Variants in KCNAB2 observed in about 807,000 individuals in gnomAD.
KCNAB2 encodes the protein potassium voltage-gated channel subfamily A regulatory beta subunit 2, also known as voltage-gated potassium channel subunit beta-2.
Under a neutral mutation model 63.6 loss-of-function variants are expected in KCNAB2, and 29 were observed. The ratio of observed to expected loss-of-function variants is 0.46; its 90% CI spans 0.34 to 0.62. The LOEUF (loss-of-function observed/expected upper bound fraction) is 0.62, where lower values mean the gene tolerates loss of function less well. KCNAB2 is among the 20% of genes least tolerant of loss of function. The probability of loss-of-function intolerance (pLI) is 0.01; values close to 1 mark genes in which losing one functional copy is unlikely to be tolerated. For synonymous variants in KCNAB2, 222 were observed against 224.2 expected (o/e 0.99, Z 0.09); for missense variants, 359 against 563.9 (o/e 0.64, Z 3.68).
chr1:6,024,783 T>TG lies in KCNAB2; in HGVS notation c.-52-15728dup, dbSNP rs1471236205. 6.6e-6 allele frequency among the ~76,000 whole-genome samples: 1 copy of TG among 152,110 alleles called. No individual in the cohort carries two copies. The highest frequency in any genetic ancestry group is 1.5e-5 in the Non-Finnish European group (1 of 68,022). ...TCACCTGTCCAGAGCCAGAGTTCCA[T>TG]GGGGGGCTCCAGGGCAGGAGGTCAA... On this transcript the variant is annotated intron_variant, in intron 1 of 16. Coordinates refer to the KCNAB2 transcript ENST00000341524. This position sits in a 1 kb window ranked among gnomAD's most constrained non-coding sequence, Gnocchi z 5.4.
Position 6,073,624 on chromosome 1 carries a change from G to T in KCNAB2, c.263-109G>T. 1.0e-6 allele frequency: 1 copy of T among 989,290 alleles called. No individual in the cohort carries two copies. The highest frequency in any genetic ancestry group is 1.6e-6 in the Non-Finnish European group (1 of 614,432). 61.3% of individuals were successfully genotyped at this position (989,290 alleles called of 1,614,324 possible). A position where few individuals can be genotyped will look rare whatever the true frequency, so the allele number is the denominator to read the frequency against. On this transcript the variant is annotated intron_variant, in intron 3 of 15. Transcript: ENST00000378083. This position sits in a 1 kb window ranked among gnomAD's most constrained non-coding sequence, Gnocchi z 5.7. ...CACCCTGGCCACAGAGCAGCACAGA[G>T]GGACACCTGTGGCTGCCCCCTGTGC...
chr1:6,030,574 T>C (rs1390362097), upstream of KCNAB2, among the ~76,000 whole-genome samples: 3 of 152,026 alleles, frequency 2.0e-5, no homozygotes, highest in Non-Finnish European at 4.4e-5. Context: ...TGTGTGTATG[T>C]GTGTAGGTAT....
Position 6,096,418 on chromosome 1 carries a change from G to T in KCNAB2, c.949-218G>T. 1 of 619,632 alleles carries T rather than the reference G, an allele frequency of 1.6e-6. No individual in the cohort carries two copies. Among genetic ancestry groups the T allele is most frequent in the Non-Finnish European group, 2.8e-6 (1 of 355,300 alleles). The allele number at this position is 619,632 out of a possible 1,614,324, so 38.4% of individuals were successfully genotyped here. A position where few individuals can be genotyped will look rare whatever the true frequency, so the allele number is the denominator to read the frequency against. On this transcript the variant is annotated intron_variant, in intron 13 of 15. Coordinates refer to ENST00000378083, the MANE Select transcript of KCNAB2 (RefSeq NM_001199862.2). The surrounding 1 kb of genome is among the most constrained non-coding windows in gnomAD (Gnocchi z 5.9). Reference sequence around the variant, plus strand: ...CACAGTCTTTGCACTTCAGAGCCTGGACAGGCCCCGCTCATCCACCAGCCC... The same window carrying T: ...CACAGTCTTTGCACTTCAGAGCCTGTACAGGCCCCGCTCATCCACCAGCCC...
upstream of KCNAB2, among the ~76,000 whole-genome samples, chr1:6,031,578 C>T (rs1339641749): frequency 6.6e-6 from 1 of 152,174 alleles, no homozygotes; most frequent in African/African-American, 2.4e-5. This position sits in a 1 kb window ranked among gnomAD's most constrained non-coding sequence, Gnocchi z 4.1. Flanking sequence ...TGTATGGGTC[C>T]ACCTTTTCCA....
rs952795968 is a variant in KCNAB2 at position 6,071,448 on chromosome 1, C to T, written c.219-1307C>T. 7.2e-5 allele frequency among the ~76,000 whole-genome samples: 11 copies of T among 152,196 alleles called. No individual in the cohort carries two copies. Among genetic ancestry groups the T allele is most frequent in the Admixed American group, 2.6e-4 (4 of 15,286 alleles). The stretch of plus-strand genomic sequence containing the variant: ...CCTGGCTGCAGCTGTGAGATCCACC[C>T]GGCCACTTGTCAACCTCACCATCTG... On this transcript the variant is annotated intron_variant, in intron 2 of 15. Transcript: ENST00000378083. The surrounding 1 kb of genome is among the most constrained non-coding windows in gnomAD (Gnocchi z 8.5).
chr1:6,019,407 G>C (rs1239123934), intron 1 of KCNAB2, among the ~76,000 whole-genome samples: 1 of 152,238 alleles, frequency 6.6e-6, no homozygotes, highest in Non-Finnish European at 1.5e-5. Context: ...CCTACAGCAA[G>C]GAGGGAAGCC....
intron 2 of KCNAB2, among the ~76,000 whole-genome samples, chr1:6,065,115 C>T (rs531440526): frequency 1.3e-5 from 2 of 152,230 alleles, no homozygotes; most frequent in Admixed American, 6.5e-5. Flanking sequence ...CCCCACTCTC[C>T]GGAGGGAGAA....
rs4908477 is a variant in KCNAB2, at chr1:6,002,479, G to A, written c.-53+9691G>A. 3.2e-3 allele frequency among the ~76,000 whole-genome samples: 480 copies of A among 152,354 alleles called. 7 individuals carry two copies. The highest frequency in any genetic ancestry group is 0.016 in the East Asian group (81 of 5,192). ...GGCAGCTGTGGCCTGAGCTGGCATC[G>A]GTGGCTGATGGCCACAGACTCCCTG... is the stretch of plus-strand genomic sequence containing the variant. On this transcript the variant is annotated intron_variant, in intron 1 of 16. Coordinates refer to the KCNAB2 transcript ENST00000341524.
chr1:6,013,134 G>T (rs146354704), intron 1 of KCNAB2, among the ~76,000 whole-genome samples: 1 of 152,154 alleles, frequency 6.6e-6, no homozygotes, highest in Non-Finnish European at 1.5e-5. Context: ...AAAGCTGCTT[G>T]TTCAGAGCGG....
In KCNAB2 at chr1:6,099,592, G is replaced by A. The variant is rs967936520; in HGVS notation, c.*1018G>A. The A allele has an allele frequency of 2.5e-5, 15 of 611,838 alleles. No individual in the cohort carries two copies. The highest frequency in any genetic ancestry group is 3.6e-5 in the Admixed American group (1 of 27,430). 37.9% of individuals were successfully genotyped at this position (611,838 alleles called of 1,614,324 possible). ...CTGTAGACTTTCTCTAAAGCCGCCC[G>A]CCAGCCCAGGCCGCTGCTCTGCACC... is the stretch of plus-strand genomic sequence containing the variant. On this transcript the variant is annotated 3_prime_UTR_variant, in exon 16 of 16. Coordinates refer to ENST00000378083, the MANE Select transcript of KCNAB2 (RefSeq NM_001199862.2).
In KCNAB2 at chr1:6,099,773, G is replaced by A. The variant is rs1056640419; in HGVS notation, c.*1199G>A. On this transcript the variant is annotated 3_prime_UTR_variant, in exon 16 of 16. Coordinates refer to ENST00000378083, the MANE Select transcript of KCNAB2 (RefSeq NM_001199862.2). Reference sequence around the variant, plus strand: ...TCAGGGAACCTCTCCCTGGAAAGACGGGCAGGGCTGGTTAGCCCCTCCCAC... The same window carrying A: ...TCAGGGAACCTCTCCCTGGAAAGACAGGCAGGGCTGGTTAGCCCCTCCCAC... 69 of 1,472,888 alleles carry A rather than the reference G, an allele frequency of 4.7e-5. No homozygotes were observed. The African/African-American group carries it at 7.2e-4, about 15-fold the overall frequency. 91.2% of individuals were successfully genotyped at this position (1,472,888 alleles called of 1,614,324 possible).
At chr1:6,057,336 A>C (rs1661925636) in intron 2 of KCNAB2, among the ~76,000 whole-genome samples, 7 of 152,142 alleles carry the variant, frequency 4.6e-5, no homozygotes, top group Admixed American at 4.6e-4. Flanking sequence ...TGCCAGGTTC[A>C]TTGAGCAGAC....
At chr1:6,037,870 G>T (rs532985345) in intron 1 of KCNAB2, among the ~76,000 whole-genome samples, 3 of 142,260 alleles carry the variant, frequency 2.1e-5, no homozygotes, top group Admixed American at 1.4e-4. Flanking sequence ...CTGAATGAGG[G>T]TCTTTTTTTT....
At chr1:6,046,279 G>C (rs1660916538) in intron 1 of KCNAB2, 96 bp downstream of exon 1, 1 of 884,834 alleles carries the variant, frequency 1.1e-6, no homozygotes. Context: ...ACCATATTTT[G>C]GGGTGGTTTT....
rs1457248843 is a variant in KCNAB2, at chr1:6,003,368, T to C, written c.-53+10580T>C. ...CATGGGGTCAGAGGCAGGGTCCGTG[T>C]GGTGTGGAGCAGGGGTTCCTCCCCA... On this transcript the variant is annotated intron_variant, in intron 1 of 16. Transcript: ENST00000341524. This position sits in a 1 kb window ranked among gnomAD's most constrained non-coding sequence, Gnocchi z 4.1. Among the ~76,000 whole-genome samples, 1 of 152,170 alleles carries C rather than the reference T, an allele frequency of 6.6e-6. No homozygotes were observed. The highest frequency in any genetic ancestry group is 2.4e-5 in the African/African-American group (1 of 41,438).
chr1:6,080,355 C>T (rs1664087740), intron 4 of KCNAB2, among the ~76,000 whole-genome samples: 1 of 152,188 alleles, frequency 6.6e-6, no homozygotes, highest in African/African-American at 2.4e-5. Flanking sequence ...CCTGGGCTCT[C>T]CCTGGGTGGG....
rs1370982634 is a variant in KCNAB2, at chr1:6,078,909, G to C, written c.301-3286G>C. ...TTTGCCTGGGGAAGGTGCAGGGAGA[G>C]AGGATGGAAGCAGAGAGCTAGGAGG... On this transcript the variant is annotated intron_variant, in intron 4 of 15. Transcript: ENST00000378083. This position sits in a 1 kb window ranked among gnomAD's most constrained non-coding sequence, Gnocchi z 4.2. 6.6e-6 allele frequency among the ~76,000 whole-genome samples: 1 copy of C among 152,238 alleles called. No homozygotes were observed. The highest frequency in any genetic ancestry group is 2.4e-5 in the African/African-American group (1 of 41,468).
Position 6,096,887 on chromosome 1 carries a change from C to G in KCNAB2, c.1069+131C>G. On this transcript the variant is annotated intron_variant, in intron 14 of 15. Transcript: ENST00000378083. This position sits in a 1 kb window ranked among gnomAD's most constrained non-coding sequence, Gnocchi z 5.9. ...GAGGGAAGGGATCCCTGGACATCAT[C>G]CCCCAGCCAGCCTCGGGTAATCGGG... The G allele has an allele frequency of 8.2e-7, 1 of 1,226,054 alleles. No individual in the cohort carries two copies. The highest frequency in any genetic ancestry group is 1.1e-6 in the Non-Finnish European group (1 of 909,310). The allele number at this position is 1,226,054 out of a possible 1,614,324, so 75.9% of individuals were successfully genotyped here.
chr1:6,068,739 G>C (rs1014330655), intron 2 of KCNAB2, among the ~76,000 whole-genome samples: 9 of 152,166 alleles, frequency 5.9e-5, no homozygotes, highest in African/African-American at 1.9e-4. Context: ...GTGCAAGAGG[G>C]GGGCAGCAGG....
Sources: allele counts gnomAD v4.1 joint callset (sites outside exome capture counted in the v4.1 genomes callset), GRCh38; gene constraint gnomAD v4.1.1; non-coding constraint Gnocchi (gnomAD v3.1); transcripts MANE v1.5; gene names NCBI Gene and HGNC (gene_info 2026-07-23, HGNC 2026-07-21).